Variants in PLXNA4 observed in about 807,000 individuals in gnomAD.
PLXNA4 encodes plexin A4.
A neutral mutation model predicts 191.8 loss-of-function variants in PLXNA4; 44 were observed. The ratio of observed to expected loss-of-function variants is 0.23; its 90% confidence interval spans 0.18 to 0.29. PLXNA4 has a LOEUF of 0.29. Among genes scored for constraint, PLXNA4 ranks in the 10% least tolerant of loss-of-function variants. PLXNA4 has a pLI of 1.00. For missense variants in PLXNA4, 1,800 were observed against 2,488.8 expected, an observed-to-expected ratio of 0.72 and a Z score of 5.89; for synonymous variants, 1,082 against 1,009.5, an observed-to-expected ratio of 1.07 and a Z score of -1.36.
exon 2 of PLXNA4, chr7:132,646,014 C>G (rs1399838781): frequency 6.6e-6 from 1 of 152,638 alleles, no homozygotes; most frequent in Non-Finnish European, 1.5e-5. Context: ...CAGCAGCTGG[C>G]CTGATTTCCA....
intron 3 of PLXNA4, among the ~76,000 whole-genome samples, chr7:132,315,016 AATCTTATCCACTCTCCTGAGC>A (rs1394249177): frequency 6.6e-6 from 1 of 152,240 alleles, no homozygotes; most frequent in East Asian, 1.9e-4. Context: ...TATTAAGGAT[AATCTTATCCACTCTCCTGAGC>A]AAGTTATCCA....
chr7:132,570,559 A>G (rs867270309), intron 1 of PLXNA4, among the ~76,000 whole-genome samples: 3 of 152,190 alleles, frequency 2.0e-5, no homozygotes, highest in Admixed American at 6.5e-5. Context: ...TAAGGAACTG[A>G]TCTTGAGCGA....
chr7:132,337,461 G>T (rs1802863207), intron 3 of PLXNA4, among the ~76,000 whole-genome samples: 1 of 152,210 alleles, frequency 6.6e-6, no homozygotes, highest in Admixed American at 6.5e-5. Flanking sequence ...TTCAACACAG[G>T]TGTGCAAATG....
At chr7:132,220,762 AG>A (rs1798115986) in intron 9 of PLXNA4, among the ~76,000 whole-genome samples, 1 of 150,260 alleles carries the variant, frequency 6.7e-6, no homozygotes, top group South Asian at 2.1e-4. Flanking sequence ...ATTCTTCTAA[AG>A]GGATCTCTGC....
chr7:132,298,219 G>T lies in PLXNA4; in HGVS notation c.1375C>A (p.Arg459=). 2 of 1,611,242 alleles carry T rather than the reference G, an allele frequency of 1.2e-6. No individual in the cohort carries two copies. Among genetic ancestry groups the T allele is most frequent in the Non-Finnish European group, 1.7e-6 (2 of 1,178,724 alleles). The change falls in exon 4 of 32, where the codon CGG becomes AGG. Residue 459 remains arginine (R), a synonymous_variant. Transcript: ENST00000321063. ...GCGTTGCCCCTGGGTCCATCCACCC[G>T]GATCTGTGGAGAAGAAGAGGAGAGC... ...GTKSGKLKKI[R]VDGPRGNALQ...
intron 10 of PLXNA4, among the ~76,000 whole-genome samples, chr7:132,209,228 A>T (rs1797721119): frequency 6.6e-6 from 1 of 152,226 alleles, no homozygotes. Flanking sequence ...GGGCACAGCC[A>T]TCTGAGGCCC....
intron 2 of PLXNA4, among the ~76,000 whole-genome samples, chr7:132,591,081 G>A: frequency 6.6e-6 from 1 of 152,118 alleles, no homozygotes; most frequent in East Asian, 1.9e-4. Flanking sequence ...GGGAGGCTGG[G>A]AAAAAGAGCA....
intron 4 of PLXNA4, among the ~76,000 whole-genome samples, chr7:132,246,789 CAT>C (rs1491385992): frequency 4.6e-5 from 7 of 151,486 alleles, no homozygotes; most frequent in Middle Eastern, 3.4e-3. Context: ...TCATCATCAT[CAT>C]CATCATCATC....
At chr7:132,181,335 C>G in intron 18 of PLXNA4, 46 bp downstream of exon 18, 1 of 1,609,526 alleles carries the variant, frequency 6.2e-7, no homozygotes, top group Non-Finnish European at 8.5e-7. Context: ...TTCCATGCAG[C>G]AGCCCCTTCT....
At chr7:132,527,600 C>A (rs1044328835) in intron 1 of PLXNA4, among the ~76,000 whole-genome samples, 8 of 146,730 alleles carry the variant, frequency 5.5e-5, no homozygotes, top group African/African-American at 1.5e-4. Context: ...AGTGAACGGA[C>A]TAACAAGATT....
chr7:132,174,957 G>A (rs1796410278), intron 20 of PLXNA4, 37 bp from the exon 21 acceptor site: 2 of 1,608,252 alleles, frequency 1.2e-6, no homozygotes, highest in Non-Finnish European at 1.7e-6. Context: ...GGCTGGATGG[G>A]GAGGCTCCAG....
intron 22 of PLXNA4, among the ~76,000 whole-genome samples, chr7:132,166,311 C>CATT (rs1210773629): frequency 6.6e-6 from 1 of 150,588 alleles, no homozygotes; most frequent in Non-Finnish European, 1.5e-5. Flanking sequence ...ACAGAAAGTT[C>CATT]ATTCTTGAGT....
Position 132,133,091 on chromosome 7 carries a change from T to A in PLXNA4, c.5547A>T (p.Ala1849=), listed in dbSNP as rs75848889. 5.0e-6 allele frequency: 8 copies of A among 1,614,054 alleles called. No homozygotes were observed. The South Asian group carries it at 8.8e-5, about 18-fold the overall frequency. Residue 1849 remains alanine, a synonymous_variant, in exon 31 of 32, where the codon GCA becomes GCT. Transcript: ENST00000321063. ...MHMNEFNTMS[A]LSEIFSYVGK... is the part of the protein sequence containing the mutation. Reference sequence around the variant, plus strand: ...CCACATAGGAGAAGATCTCTGAGAGTGCACTCATGGTGTTGAACTCATTCA... The same window carrying A: ...CCACATAGGAGAAGATCTCTGAGAGAGCACTCATGGTGTTGAACTCATTCA...
chr7:132,619,688 A>G (rs1585409519), intron 2 of PLXNA4, among the ~76,000 whole-genome samples: 1 of 152,256 alleles, frequency 6.6e-6, no homozygotes, highest in Middle Eastern at 3.2e-3. Context: ...CTAAGCAAAG[A>G]TGTGTGATCA....
chr7:132,374,795 G>C (rs1804591972), intron 3 of PLXNA4, among the ~76,000 whole-genome samples: 1 of 152,160 alleles, frequency 6.6e-6, no homozygotes, highest in Non-Finnish European at 1.5e-5. Context: ...TTTTTATCTA[G>C]CAATTTCACT....
chr7:132,213,593 A>C (rs1179339816), intron 9 of PLXNA4, among the ~76,000 whole-genome samples: 2 of 152,152 alleles, frequency 1.3e-5, no homozygotes, highest in East Asian at 3.9e-4. Context: ...GCAAGGTGGG[A>C]ATGTGGCACA....
intron 5 of PLXNA4, among the ~76,000 whole-genome samples, chr7:132,233,879 T>G (rs1446536842): frequency 6.6e-6 from 1 of 152,082 alleles, no homozygotes; most frequent in African/African-American, 2.4e-5. Flanking sequence ...AGGTGAGAGG[T>G]AAAAAGGACC....
At chr7:132,297,594 A>C (rs538577021) in intron 4 of PLXNA4, among the ~76,000 whole-genome samples, 12 of 152,234 alleles carry the variant, frequency 7.9e-5, no homozygotes, top group Admixed American at 7.2e-4. Context: ...GTATGTACAC[A>C]CAAAAGTTCA....
intron 3 of PLXNA4, among the ~76,000 whole-genome samples, chr7:132,359,244 C>G (rs1475394928): frequency 8.3e-6 from 1 of 120,412 alleles, no homozygotes; most frequent in African/African-American, 3.2e-5. Context: ...ATTCCTGAGA[C>G]AGAGTCTTGC....
Sources: gnomAD v4.1 joint callset for allele counts (sites outside exome capture counted in the v4.1 genomes callset) on GRCh38, gnomAD v4.1.1 for gene constraint, MANE v1.5 for transcripts, NCBI Gene and HGNC (gene_info 2026-07-23, HGNC 2026-07-21) for gene names.